METTL15: variants seen among roughly 807,000 people sequenced by gnomAD.
The protein encoded by METTL15 is methyltransferase 15, mitochondrial 12S rRNA N4-cytidine.
METTL15 carries 34 observed loss-of-function variants against 38.3 expected under a neutral mutation model. The observed-to-expected ratio is 0.89, with a 90% CI of 0.68 to 1.18. The LOEUF is 1.18. Among genes scored for constraint, METTL15 ranks in the 50% most tolerant of loss-of-function variants. The probability of loss-of-function intolerance (pLI) is 0.00; values close to 1 mark genes in which losing one functional copy is unlikely to be tolerated. For synonymous variants in METTL15, 162 were observed against 170.9 expected, an observed-to-expected ratio of 0.95 and a Z score of 0.41; for missense variants, 438 against 498.4, an observed-to-expected ratio of 0.88 and a Z score of 1.15.
intron 4 of METTL15, among the ~76,000 whole-genome samples, chr11:28,231,272 A>G (rs1016982352): frequency 6.6e-6 from 1 of 151,916 alleles, no homozygotes; most frequent in African/African-American, 2.4e-5. Flanking sequence ...AGTATGCTTT[A>G]AATAGCATGG....
chr11:28,183,394 T>G (rs1435744005), intron 3 of METTL15, among the ~76,000 whole-genome samples: 2 of 152,048 alleles, frequency 1.3e-5, no homozygotes, highest in Non-Finnish European at 2.9e-5. Context: ...GGCTGTGGGT[T>G]TGTTGTAAAT....
intron 4 of METTL15, among the ~76,000 whole-genome samples, chr11:28,266,752 A>G (rs1162401226): frequency 6.6e-6 from 1 of 152,190 alleles, no homozygotes; most frequent in Non-Finnish European, 1.5e-5. Flanking sequence ...TTCCCAGATA[A>G]TTATGTCTCC....
At chr11:28,349,754 C>T (rs975649811) in intron 3 of METTL15, among the ~76,000 whole-genome samples, 1 of 152,166 alleles carries the variant, frequency 6.6e-6, no homozygotes, top group African/African-American at 2.4e-5. Context: ...TTCATCTCCC[C>T]AGAAAGTCCT....
chr11:28,343,801 G>A (rs75914544), intron 3 of METTL15, among the ~76,000 whole-genome samples: 2 of 152,108 alleles, frequency 1.3e-5, no homozygotes, highest in African/African-American at 2.4e-5. Flanking sequence ...GGCACTGGGG[G>A]CAATAGAGTA....
chr11:28,256,679 TTTTC>T (rs1382578811), intron 4 of METTL15, among the ~76,000 whole-genome samples: 2 of 152,046 alleles, frequency 1.3e-5, no homozygotes, highest in Admixed American at 1.3e-4. Flanking sequence ...TTTTATATTG[TTTTC>T]TTTATTTCAA....
intron 4 of METTL15, among the ~76,000 whole-genome samples, chr11:28,359,929 T>C (rs1848840967): frequency 6.6e-6 from 1 of 152,210 alleles, no homozygotes; most frequent in South Asian, 2.1e-4. Flanking sequence ...TCGAAACTGT[T>C]GCTCTGATGC....
At chr11:28,390,018 C>A (rs1342085736) in intron 5 of METTL15, among the ~76,000 whole-genome samples, 2 of 151,700 alleles carry the variant, frequency 1.3e-5, no homozygotes, top group South Asian at 2.1e-4. Flanking sequence ...CTTTTGGCTG[C>A]ATAAATGTCT....
intron 6 of METTL15, among the ~76,000 whole-genome samples, chr11:28,318,051 C>A (rs1857541663): frequency 6.6e-6 from 1 of 152,204 alleles, no homozygotes; most frequent in Non-Finnish European, 1.5e-5. Flanking sequence ...CTGTGGGTCA[C>A]TTGTTCATTT....
chr11:28,228,931 GGTGAGAAAGTA>G (rs1273566700), intron 4 of METTL15, among the ~76,000 whole-genome samples: 2 of 151,800 alleles, frequency 1.3e-5, no homozygotes, highest in East Asian at 3.9e-4. Context: ...CATCCCCACA[GGTGAGAAAGTA>G]GTTTAGATTT....
intron 3 of METTL15, among the ~76,000 whole-genome samples, chr11:28,146,971 G>A (rs1361398417): frequency 6.6e-6 from 1 of 151,820 alleles, no homozygotes; most frequent in Admixed American, 6.6e-5. Context: ...GGATTGATTA[G>A]GTGTTCTTCA....
chr11:28,381,735 A>G (rs562725951), intron 5 of METTL15, among the ~76,000 whole-genome samples: 1 of 152,196 alleles, frequency 6.6e-6, no homozygotes, highest in Non-Finnish European at 1.5e-5. Context: ...CTCTTTGTTA[A>G]AATTTTCTAA....
rs748995723 is a variant in METTL15 at position 28,340,512 on chromosome 11, G to T, written c.*190-11578G>T. On this transcript the variant is annotated intron_variant and NMD_transcript_variant, in intron 3 of 7. Transcript: ENST00000532947. ...CAACCCCATCAAAAAGTGGGCAAAG[G>T]ATATGAACAGACACTTCTCAAAAGA... is the stretch of plus-strand genomic sequence containing the variant. Among the ~76,000 whole-genome samples, 5 of 152,136 alleles carry T rather than the reference G, an allele frequency of 3.3e-5. No homozygotes were observed. The South Asian group carries it at 8.3e-4, about 25-fold the overall frequency.
At chr11:28,376,666 G>A (rs1310038690) in intron 5 of METTL15, among the ~76,000 whole-genome samples, 2 of 151,708 alleles carry the variant, frequency 1.3e-5, no homozygotes, top group Admixed American at 6.6e-5. Context: ...TACATTTAAA[G>A]TTAATAGTGT....
At chr11:28,224,920 AT>A (rs1853411361) in intron 4 of METTL15, among the ~76,000 whole-genome samples, 1 of 151,588 alleles carries the variant, frequency 6.6e-6, no homozygotes, top group Non-Finnish European at 1.5e-5. Context: ...CCTCTTCACT[AT>A]TTGATTTTGC....
downstream of METTL15, among the ~76,000 whole-genome samples, chr11:28,528,437 A>G (rs1375013139): frequency 6.6e-6 from 1 of 152,208 alleles, no homozygotes; most frequent in Non-Finnish European, 1.5e-5. Flanking sequence ...TACTCCTTTC[A>G]TATAACATTG....
At chr11:28,450,382 T>G (rs1851109962) in intron 6 of METTL15, among the ~76,000 whole-genome samples, 1 of 152,244 alleles carries the variant, frequency 6.6e-6, no homozygotes, top group Admixed American at 6.5e-5. Context: ...GAGGCTTATT[T>G]ACAATGAGGA....
intron 3 of METTL15, among the ~76,000 whole-genome samples, chr11:28,131,608 G>A (rs1471133289): frequency 1.4e-5 from 2 of 147,328 alleles, no homozygotes; most frequent in Non-Finnish European, 3.0e-5. Flanking sequence ...TTAGGTAAAT[G>A]TGTTGCATAA....
intron 6 of METTL15, among the ~76,000 whole-genome samples, chr11:28,486,928 C>T (rs991348243): frequency 6.6e-6 from 1 of 152,056 alleles, no homozygotes; most frequent in Admixed American, 6.6e-5. Context: ...TAGGTGTGGA[C>T]AGGCAGGCAT....
At chr11:28,144,183 G>A (rs945010367) in intron 3 of METTL15, among the ~76,000 whole-genome samples, 2 of 152,068 alleles carry the variant, frequency 1.3e-5, no homozygotes, top group Admixed American at 1.3e-4. Context: ...ATTCTCGTTT[G>A]GCTCATTAGG....
Sources: gnomAD v4.1 joint callset for allele counts (sites outside exome capture counted in the v4.1 genomes callset) on GRCh38, gnomAD v4.1.1 for gene constraint, MANE v1.5 for transcripts, NCBI Gene and HGNC (gene_info 2026-07-23, HGNC 2026-07-21) for gene names.